The following KIF21B variants were observed in gnomAD, a reference collection of about 807,000 sequenced individuals.
The protein encoded by KIF21B is kinesin-like protein KIF21B.
In KIF21B, 85 loss-of-function variants were observed where a neutral mutation model predicts 192.9. The ratio of observed to expected loss-of-function variants is 0.44; its 90% CI spans 0.37 to 0.53. The LOEUF (loss-of-function observed/expected upper bound fraction) is 0.53, where lower values mean the gene tolerates loss of function less well. Among genes scored for constraint, KIF21B ranks in the 20% least tolerant of loss-of-function variants. The pLI, the probability that KIF21B is intolerant of heterozygous loss-of-function variation, is 0.00. For missense variants in KIF21B, 1,716 were observed against 2,194.8 expected (o/e 0.78, Z 4.36); for synonymous variants, 832 against 884.6 (o/e 0.94, Z 1.05).
Position 200,969,869 on chromosome 1 carries a change from G to A in KIF21B, c.*3652C>T, listed in dbSNP as rs996958653. 6.6e-5 allele frequency: 10 copies of A among 152,546 alleles called. No individual in the cohort carries two copies. The highest frequency in any genetic ancestry group is 1.9e-4 in the African/African-American group (8 of 41,476). The allele number at this position is 152,546 out of a possible 1,614,324, so 9.4% of individuals were successfully genotyped here. A position where few individuals can be genotyped will look rare whatever the true frequency, so the allele number is the denominator to read the frequency against. On this transcript the variant is annotated 3_prime_UTR_variant, in exon 35 of 35. Coordinates refer to ENST00000461742, the MANE Select transcript of KIF21B (RefSeq NM_001252102.2). ...CAAGAGGGCAGGGAAGGATCTGGGA[G>A]TCAGGAGAGGAGGGCCAGGCCCAGG...
chr1:201,022,364 C>A (rs922070567), intron 1 of KIF21B, among the ~76,000 whole-genome samples: 1 of 152,214 alleles, frequency 6.6e-6, no homozygotes, highest in Non-Finnish European at 1.5e-5. Context: ...GATGTTCTTG[C>A]CACATCCCTA....
chr1:200,969,598 G>A lies in KIF21B; in HGVS notation c.*3923C>T, dbSNP rs1248926937. On this transcript the variant is annotated 3_prime_UTR_variant, in exon 35 of 35. Transcript: ENST00000461742. Reference sequence around the variant, plus strand: ...CCTGCAGCCTGGGCAGGACATGATTGCTAGAAAAGAGTTGGTGGGCAGGGC... The same window carrying A: ...CCTGCAGCCTGGGCAGGACATGATTACTAGAAAAGAGTTGGTGGGCAGGGC... 6.5e-6 allele frequency: 1 copy of A among 152,756 alleles called. No homozygotes were observed. Among genetic ancestry groups the A allele is most frequent in the Non-Finnish European group, 1.5e-5 (1 of 68,068 alleles). 9.5% of individuals were successfully genotyped at this position (152,756 alleles called of 1,614,324 possible). A position where few individuals can be genotyped will look rare whatever the true frequency, so the allele number is the denominator to read the frequency against.
At position 200,988,297 on chromosome 1, in the gene KIF21B, T is replaced by C. The variant is rs1194793180; in HGVS notation, c.3407A>G (p.Lys1136Arg). 2 of 1,613,874 alleles carry C rather than the reference T, an allele frequency of 1.2e-6. No individual in the cohort carries two copies. ...TGCCTGACTTCCGGCGGGGCTCACC[T>C]TGAACTTGAAATCGTCATGGCTGGT... ...GSTSHDDFKF[K>R]SEPKLSAQMK... The change falls in exon 24 of 35, where the codon AAG (lysine) becomes AGG (arginine). Residue 1136 changes from lysine to arginine, a missense_variant and splice_region_variant. By Grantham distance (26) the Lys-to-Arg change is conservative. This residue lies in a region of KIF21B where 580 missense variants were observed against 775.5 expected (regional missense o/e 0.75). Coordinates refer to ENST00000461742, the MANE Select transcript of KIF21B (RefSeq NM_001252102.2).
In KIF21B at chr1:200,979,622, C is replaced by G. The variant is rs1557998794; in HGVS notation, c.4073G>C (p.Ser1358Thr). The G allele has an allele frequency of 6.3e-7, 1 of 1,590,750 alleles. No individual in the cohort carries two copies. The change falls in exon 30 of 35, where the codon AGC (serine) becomes ACC (threonine). Residue 1358 changes from serine (S) to threonine (T), a missense_variant. Coordinates refer to ENST00000461742, the MANE Select transcript of KIF21B (RefSeq NM_001252102.2). ...CACGGAGAACACAAGCCCCGAGTGG[C>G]TGCAGTACTTGATGGAGACCACGTT... is the stretch of plus-strand genomic sequence containing the variant. ...PNNVVSIKYCSHSGLVFSVST... is the reference protein window; with the variant it reads ...PNNVVSIKYCTHSGLVFSVST...
At position 201,009,248 on chromosome 1, in the gene KIF21B, G is replaced by A. The variant is rs1658095728; in HGVS notation, c.264+18C>T. The stretch of plus-strand genomic sequence containing the variant: ...ACCAAGGCTGGAGCCGCCATAGGTG[G>A]GCGTGAAGATGGCTTACCTGCCCAT... On this transcript the variant is annotated intron_variant, in intron 2 of 34. Coordinates refer to ENST00000461742, the MANE Select transcript of KIF21B (RefSeq NM_001252102.2). The A allele has an allele frequency of 8.7e-6, 14 of 1,609,820 alleles. No individual in the cohort carries two copies. The highest frequency in any genetic ancestry group is 1.2e-5 in the Non-Finnish European group (14 of 1,176,984).
intron 26 of KIF21B, among the ~76,000 whole-genome samples, chr1:200,985,899 G>A (rs1461760446): frequency 6.8e-6 from 1 of 147,158 alleles, no homozygotes; most frequent in Non-Finnish European, 1.5e-5. Context: ...AGGCTGGACT[G>A]CAATGGCGTG....
At chr1:200,980,312 T>C (rs1190343987) in intron 29 of KIF21B, among the ~76,000 whole-genome samples, 3 of 152,208 alleles carry the variant, frequency 2.0e-5, no homozygotes, top group Admixed American at 2.0e-4. Context: ...TGGAGTGTAA[T>C]TGCACAAACA....
chr1:200,989,375 G>A (rs1190931870), intron 21 of KIF21B, among the ~76,000 whole-genome samples: 1 of 152,214 alleles, frequency 6.6e-6, no homozygotes, highest in East Asian at 1.9e-4. Flanking sequence ...AGGCGGCAGA[G>A]TCTCCTGCCT....
rs1557992334 is a variant in KIF21B, at chr1:200,973,101, G to C, written c.*420C>G. The stretch of plus-strand genomic sequence containing the variant: ...AGAGGCAGGTGCAGTGGCTCTAGAG[G>C]CTGGGCTGGGAGAAGCGGGGAGGCC... On this transcript the variant is annotated 3_prime_UTR_variant, in exon 35 of 35. Coordinates refer to ENST00000461742, the MANE Select transcript of KIF21B (RefSeq NM_001252102.2). 1 of 170,420 alleles carries C rather than the reference G, an allele frequency of 5.9e-6. No individual in the cohort carries two copies. The allele number at this position is 170,420 out of a possible 1,614,324, so 10.6% of individuals were successfully genotyped here.
chr1:201,002,002 T>C (rs1434699505), intron 9 of KIF21B, 159 bp downstream of exon 9: 8 of 623,972 alleles, frequency 1.3e-5, no homozygotes, highest in Admixed American at 5.5e-5. Flanking sequence ...ACTTGTGCCA[T>C]ACAAAAATGT....
rs571559086 is a variant in KIF21B at position 200,994,600 on chromosome 1, G to A, written c.2277+1596C>T. On this transcript the variant is annotated intron_variant, in intron 15 of 34. Coordinates refer to ENST00000461742, the MANE Select transcript of KIF21B (RefSeq NM_001252102.2). ...TGAGCCTTCTGTCAGATGCATCTTG[G>A]CGTTACATTATTTGCCAGGCTTCAG... 1.8e-4 allele frequency among the ~76,000 whole-genome samples: 27 copies of A among 152,338 alleles called. 1 individual carries two copies. In the South Asian group the frequency reaches 4.6e-3, roughly 26 times the overall value.
In KIF21B at chr1:200,979,684, C is replaced by G. The variant is rs755689975; in HGVS notation, c.4011G>C (p.Thr1337=). The G allele has an allele frequency of 3.2e-6, 5 of 1,552,836 alleles. No homozygotes were observed. Among genetic ancestry groups the G allele is most frequent in the East Asian group, 2.5e-5 (1 of 40,694 alleles). ...DRSCKMWNLV[T]GQEIAALKGH... Reference sequence around the variant, plus strand: ...CCTTTAGAGCTGCGATCTCCTGTCCCGTAACCAAGTTCCACATCTTGCAGC... The same window carrying G: ...CCTTTAGAGCTGCGATCTCCTGTCCGGTAACCAAGTTCCACATCTTGCAGC... Residue 1337 remains threonine (T), a synonymous_variant, in exon 30 of 35, where the codon ACG becomes ACC. Coordinates refer to ENST00000461742, the MANE Select transcript of KIF21B (RefSeq NM_001252102.2).
At chr1:200,976,670 T>A in intron 32 of KIF21B, 106 bp downstream of exon 32, 2 of 629,070 alleles carry the variant, frequency 3.2e-6, no homozygotes, top group Non-Finnish European at 5.5e-6. Flanking sequence ...TCAGCAGACA[T>A]CCCCAGAAGT....
chr1:200,978,684 T>C (rs1226597121), intron 30 of KIF21B, among the ~76,000 whole-genome samples: 1 of 152,220 alleles, frequency 6.6e-6, no homozygotes, highest in African/African-American at 2.4e-5. Context: ...CTGTTTACTT[T>C]ATTCATTATT....
intron 22 of KIF21B, 95 bp downstream of exon 22, chr1:200,988,671 G>A (rs1350813112): frequency 2.0e-6 from 3 of 1,510,886 alleles, no homozygotes; most frequent in Admixed American, 1.9e-5. Context: ...GGGGGTTAGG[G>A]GTGGTTCTGG....
At position 200,982,109 on chromosome 1, in the gene KIF21B, T is replaced by A. The variant is rs1655969074; in HGVS notation, c.3842+947A>T. Among the ~76,000 whole-genome samples the A allele has an allele frequency of 6.6e-6, 1 of 152,020 alleles. No homozygotes were observed. Among genetic ancestry groups the A allele is most frequent in the Non-Finnish European group, 1.5e-5 (1 of 67,986 alleles). Reference sequence around the variant, plus strand: ...CCAGGCCCACCCTTGAGGATGGTGGTCGGATACGTCCAGCTGCCAGCCAGG... The same window carrying A: ...CCAGGCCCACCCTTGAGGATGGTGGACGGATACGTCCAGCTGCCAGCCAGG... On this transcript the variant is annotated intron_variant, in intron 28 of 34. Transcript: ENST00000461742. This position sits in a 1 kb window ranked among gnomAD's most constrained non-coding sequence, Gnocchi z 4.7.
At chr1:201,013,228 C>G (rs978901551) in intron 1 of KIF21B, among the ~76,000 whole-genome samples, 1 of 152,192 alleles carries the variant, frequency 6.6e-6, no homozygotes, top group African/African-American at 2.4e-5. Context: ...CCTTGCCAAG[C>G]CTCTGCCCTG....
In KIF21B at chr1:201,009,302, G is replaced by C; in HGVS notation, c.228C>G (p.Phe76Leu). ...TCVSKLIEGCFEGYNATVLAY... is the reference protein window; with the variant it reads ...TCVSKLIEGCLEGYNATVLAY... ...CCAGCACCGTGGCATTATAGCCCTC[G>C]AAGCAGCCCTCGATGAGCTTGCTCA... The change falls in exon 2 of 35, where the codon TTC becomes TTG. Residue 76 changes from phenylalanine to leucine, a missense_variant. By Grantham distance (22) the Phe-to-Leu change is conservative. Transcript: ENST00000461742. 6.2e-7 allele frequency: 1 copy of C among 1,614,260 alleles called. No homozygotes were observed. Among genetic ancestry groups the C allele is most frequent in the Non-Finnish European group, 8.5e-7 (1 of 1,180,046 alleles).
intron 32 of KIF21B, 92 bp downstream of exon 32, chr1:200,976,684 A>AGG: frequency 1.3e-6 from 1 of 746,724 alleles, no homozygotes; most frequent in Non-Finnish European, 2.2e-6. Flanking sequence ...CAGAAGTCTT[A>AGG]TAATTTTTCA....
Sources: gnomAD v4.1 joint callset for allele counts (sites outside exome capture counted in the v4.1 genomes callset) on GRCh38, gnomAD v4.1.1 for gene constraint, gnomAD v4.1.1 regional missense constraint, Gnocchi (gnomAD v3.1) non-coding constraint, MANE v1.5 for transcripts, NCBI Gene and HGNC (gene_info 2026-07-23, HGNC 2026-07-21) for gene names.